PTPRD: variants seen among roughly 807,000 people sequenced by gnomAD.
PTPRD encodes the protein protein tyrosine phosphatase receptor type D.
A neutral mutation model predicts 214.5 loss-of-function variants in PTPRD; 34 were observed. The observed-to-expected ratio is 0.16, with a 90% CI of 0.12 to 0.21. PTPRD has a LOEUF of 0.21. PTPRD is among the 10% of genes least tolerant of loss of function. The pLI is 1.00. For synonymous variants in PTPRD, 1,128 were observed against 845.7 expected (o/e 1.33, Z -5.79); for missense variants, 2,545 against 2,398.7 (o/e 1.06, Z -1.27).
At chr9:10,049,233 C>G (rs1331949310) in intron 3 of PTPRD, among the ~76,000 whole-genome samples, 1 of 152,034 alleles carries the variant, frequency 6.6e-6, no homozygotes, top group Non-Finnish European at 1.5e-5. Context: ...TCATCTAGCG[C>G]AGCCTCCTCA....
chr9:10,481,204 A>G (rs1235125552), intron 2 of PTPRD, among the ~76,000 whole-genome samples: 1 of 152,138 alleles, frequency 6.6e-6, no homozygotes, highest in Non-Finnish European at 1.5e-5. Context: ...AAGGGCATAG[A>G]CGGTATATGG....
chr9:9,943,790 T>G (rs1459089072), intron 4 of PTPRD, among the ~76,000 whole-genome samples: 8 of 152,060 alleles, frequency 5.3e-5, no homozygotes, highest in Admixed American at 6.6e-5. Context: ...GTAAGTACAG[T>G]AGACAACTGA....
At chr9:10,517,080 GATTTT>G (rs1031312794) in intron 2 of PTPRD, among the ~76,000 whole-genome samples, 4 of 151,888 alleles carry the variant, frequency 2.6e-5, no homozygotes, top group Non-Finnish European at 4.4e-5. Context: ...AAAAATTTTA[GATTTT>G]TTTTCTATTT....
At chr9:9,280,603 T>A (rs1263928359) in intron 9 of PTPRD, among the ~76,000 whole-genome samples, 1 of 151,182 alleles carries the variant, frequency 6.6e-6, no homozygotes, top group Admixed American at 6.6e-5. Flanking sequence ...AGGAAAACTA[T>A]AAAACTTTGA....
chr9:10,555,078 G>C (rs1300297522), intron 2 of PTPRD, among the ~76,000 whole-genome samples: 1 of 152,086 alleles, frequency 6.6e-6, no homozygotes, highest in East Asian at 1.9e-4. Flanking sequence ...TATTTGACTG[G>C]TCCAGCTAGA....
At chr9:9,887,798 T>A (rs1292316570) in intron 5 of PTPRD, among the ~76,000 whole-genome samples, 4 of 152,000 alleles carry the variant, frequency 2.6e-5, no homozygotes, top group African/African-American at 9.7e-5. Flanking sequence ...GGGGGCAATA[T>A]TTTTAAAATA....
At chr9:8,853,740 G>C (rs2097861104) in intron 11 of PTPRD, among the ~76,000 whole-genome samples, 1 of 152,090 alleles carries the variant, frequency 6.6e-6, no homozygotes, top group Non-Finnish European at 1.5e-5. Flanking sequence ...TCTTCTCTTT[G>C]CTCTTTCTTG....
intron 8 of PTPRD, among the ~76,000 whole-genome samples, chr9:9,538,503 T>C (rs1287380571): frequency 6.6e-6 from 1 of 151,892 alleles, no homozygotes; most frequent in Admixed American, 6.6e-5. Context: ...GTCTTTAAAA[T>C]GGCATGAGTC....
intron 2 of PTPRD, among the ~76,000 whole-genome samples, chr9:10,495,251 G>A (rs2041689101): frequency 6.6e-6 from 1 of 151,600 alleles, no homozygotes; most frequent in African/African-American, 2.4e-5. Context: ...AGTGCACTTG[G>A]GTACTCTACT....
At chr9:8,410,375 G>A (rs561544392) in intron 35 of PTPRD, among the ~76,000 whole-genome samples, 8 of 152,218 alleles carry the variant, frequency 5.3e-5, no homozygotes, top group Non-Finnish European at 7.4e-5. Flanking sequence ...AGCTCTGGCC[G>A]GTCAGGTAAC....
At chr9:9,758,145 T>C (rs908310982) in intron 6 of PTPRD, among the ~76,000 whole-genome samples, 1 of 97,756 alleles carries the variant, frequency 1.0e-5, no homozygotes, top group African/African-American at 5.6e-5. Flanking sequence ...AGAGTAAAAA[T>C]GGCAAAAAAA....
chr9:8,907,992 G>T (rs889157464), intron 11 of PTPRD, among the ~76,000 whole-genome samples: 1 of 152,114 alleles, frequency 6.6e-6, no homozygotes, highest in Non-Finnish European at 1.5e-5. Flanking sequence ...GTCTCATCTA[G>T]AAACAGTATG....
At chr9:8,927,687 T>C (rs9299080) in intron 11 of PTPRD, among the ~76,000 whole-genome samples, 55,790 of 152,092 alleles carry the variant, frequency 0.37, 10,333 homozygotes, top group Middle Eastern at 0.42. Flanking sequence ...TGTGTCTTTA[T>C]AGCAGAATGA....
At chr9:8,909,995 T>G (rs954472208) in intron 11 of PTPRD, among the ~76,000 whole-genome samples, 20 of 151,882 alleles carry the variant, frequency 1.3e-4, no homozygotes, top group Non-Finnish European at 2.5e-4. Context: ...GTTTAAACAG[T>G]TGTCCTCTCC....
At chr9:9,198,010 T>C (rs552957387) in intron 9 of PTPRD, among the ~76,000 whole-genome samples, 15 of 152,262 alleles carry the variant, frequency 9.9e-5, no homozygotes, top group African/African-American at 3.4e-4. Context: ...TAATTTCAAA[T>C]AAGTGTTATG....
At chr9:9,961,300 A>T (rs1298915734) in intron 4 of PTPRD, among the ~76,000 whole-genome samples, 1 of 152,202 alleles carries the variant, frequency 6.6e-6, no homozygotes, top group Non-Finnish European at 1.5e-5. Flanking sequence ...CTTGAGGCAC[A>T]AACAACATGC....
chr9:10,440,035 A>T (rs914704875), intron 2 of PTPRD, among the ~76,000 whole-genome samples: 44 of 151,274 alleles, frequency 2.9e-4, no homozygotes, highest in Admixed American at 1.5e-3. Flanking sequence ...TATATATATA[A>T]TAGTTTCAAA....
intron 7 of PTPRD, among the ~76,000 whole-genome samples, chr9:9,633,722 T>C (rs1243798792): frequency 6.6e-6 from 1 of 152,182 alleles, no homozygotes; most frequent in Non-Finnish European, 1.5e-5. Context: ...TAAGGCTCAA[T>C]GAAGGTAGAA....
At chr9:10,391,564 T>G (rs996894794) in intron 2 of PTPRD, among the ~76,000 whole-genome samples, 2 of 151,774 alleles carry the variant, frequency 1.3e-5, no homozygotes, top group Non-Finnish European at 2.9e-5. Flanking sequence ...TAGTCAATAG[T>G]AAATCTCTGT....
Sources: gnomAD v4.1 joint callset for allele counts (sites outside exome capture counted in the v4.1 genomes callset) on GRCh38, gnomAD v4.1.1 for gene constraint, MANE v1.5 for transcripts, NCBI Gene and HGNC (gene_info 2026-07-23, HGNC 2026-07-21) for gene names.